Variants in NDC80 observed in about 807,000 individuals in gnomAD.
NDC80 encodes NDC80 kinetochore complex component.
In NDC80, 69 loss-of-function variants were observed where a neutral mutation model predicts 89.3. The observed-to-expected ratio is 0.77, with a 90% CI of 0.64 to 0.94. NDC80 has a LOEUF of 0.94. Among genes scored for constraint, NDC80 ranks in the 40% least tolerant of loss-of-function variants. The pLI, the probability that NDC80 is intolerant of heterozygous loss-of-function variation, is 0.00. For missense variants in NDC80, 593 were observed against 739.6 expected (o/e 0.80, Z 2.30); for synonymous variants, 243 against 255.6 (o/e 0.95, Z 0.47).
chr18:2,608,703 G>A lies in NDC80; in HGVS notation c.1561G>A (p.Ala521Thr). The A allele has an allele frequency of 6.2e-7, 1 of 1,611,228 alleles. No individual in the cohort carries two copies. Among genetic ancestry groups the A allele is most frequent in the Non-Finnish European group, 8.5e-7 (1 of 1,177,842 alleles). ...AACCGTGACTTTATCCTGATAGGAA[G>A]CAGAGGAAGAGGATGAAAAATGTGC... Reference protein sequence around the residue: ...DDLYQQKIKEAEEEDEKCASE... With the variant: ...DDLYQQKIKETEEEDEKCASE... Residue 521 changes from alanine (A) to threonine (T), a missense_variant, in exon 15 of 17, where the codon GCA (alanine) becomes ACA (threonine). Transcript: ENST00000261597.
Position 2,587,814 on chromosome 18 carries a change from C to A in NDC80, c.670-16C>A. The A allele has an allele frequency of 6.3e-7, 1 of 1,593,248 alleles. No homozygotes were observed. The highest frequency in any genetic ancestry group is 8.6e-7 in the Non-Finnish European group (1 of 1,162,336). On this transcript the variant is annotated splice_polypyrimidine_tract_variant and intron_variant, in intron 7 of 16. Coordinates refer to ENST00000261597, the MANE Select transcript of NDC80 (RefSeq NM_006101.3). ...AGAATCATAACTTTGTTTCTAAAAT[C>A]TGCTTAACCCCATAGTTGTTTTTGG...
chr18:2,588,048 T>G (rs2072610696), intron 8 of NDC80, 125 bp downstream of exon 8: 1 of 661,270 alleles, frequency 1.5e-6, no homozygotes, highest in Non-Finnish European at 2.5e-6. Context: ...GGATGCCTAC[T>G]GATTTTTATC....
rs768732373 is a variant in NDC80 at position 2,599,127 on chromosome 18, G to A, written c.1330G>A (p.Glu444Lys). Residue 444 changes from glutamate to lysine, a missense_variant, in exon 12 of 17, where the codon GAG becomes AAG. Physicochemically the swap from Glu to Lys is moderately conservative, Grantham distance 56 (BLOSUM62 1). Coordinates refer to ENST00000261597, the MANE Select transcript of NDC80 (RefSeq NM_006101.3). ...TGACTTTGAAATTAAGTTTAATCCC[G>A]AGGCTGGTGCCAACTGCCTTGTCAA... ...GYDFEIKFNPEAGANCLVKYR... is the reference protein window; with the variant it reads ...GYDFEIKFNPKAGANCLVKYR... 1.2e-5 allele frequency: 20 copies of A among 1,613,262 alleles called. No individual in the cohort carries two copies. The highest frequency in any genetic ancestry group is 6.7e-5 in the East Asian group (3 of 44,838).
chr18:2,613,185 G>A (rs933608277), intron 16 of NDC80, among the ~76,000 whole-genome samples: 6 of 152,144 alleles, frequency 3.9e-5, no homozygotes, highest in Admixed American at 6.6e-5. Context: ...AAGTTTTATT[G>A]GAGCACAGCC....
chr18:2,577,949 G>T lies in NDC80; in HGVS notation c.304-20G>T, dbSNP rs1334986978. On this transcript the variant is annotated intron_variant, in intron 4 of 16. Transcript: ENST00000261597. ...ATTTTCCATTACAAAACGTTTGGTG[G>T]TTCATAAAAATTATTGTAGTTTCTT... The T allele has an allele frequency of 3.1e-6, 5 of 1,609,756 alleles. No homozygotes were observed. The highest frequency in any genetic ancestry group is 4.2e-6 in the Non-Finnish European group (5 of 1,177,630).
chr18:2,596,250 G>A lies in NDC80; in HGVS notation c.1221+629G>A, dbSNP rs554734866. Among the ~76,000 whole-genome samples, 4 of 152,160 alleles carry A rather than the reference G, an allele frequency of 2.6e-5. No homozygotes were observed. The South Asian group carries it at 8.3e-4, about 32-fold the overall frequency. ...GTTAGCATGGCACAGCCTACAAAAT[G>A]GGAGAAAATTTTCGCAACCTACTCA... On this transcript the variant is annotated intron_variant, in intron 11 of 16. Coordinates refer to ENST00000261597, the MANE Select transcript of NDC80 (RefSeq NM_006101.3).
rs769068530 is a variant in NDC80 at position 2,573,064 on chromosome 18, C to G, written c.79C>G (p.Gln27Glu). 2 of 1,614,024 alleles carry G rather than the reference C, an allele frequency of 1.2e-6. No individual in the cohort carries two copies. Among genetic ancestry groups the G allele is most frequent in the Admixed American group, 1.7e-5 (1 of 60,012 alleles). Reference protein sequence around the residue: ...QELRSQDVNKQGLYTPQTKEK... With the variant: ...QELRSQDVNKEGLYTPQTKEK... Reference sequence around the variant, plus strand: ...GTTAAGATCCCAGGATGTAAATAAACAAGGCCTCTATACCCCTCAAACGTG... The same window carrying G: ...GTTAAGATCCCAGGATGTAAATAAAGAAGGCCTCTATACCCCTCAAACGTG... Residue 27 changes from glutamine (Q) to glutamate (E), a missense_variant, in exon 2 of 17, where the codon CAA becomes GAA. Transcript: ENST00000261597.
At chr18:2,600,177 A>G (rs2072677185) in intron 12 of NDC80, among the ~76,000 whole-genome samples, 1 of 152,262 alleles carries the variant, frequency 6.6e-6, no homozygotes, top group Non-Finnish European at 1.5e-5. Flanking sequence ...TACACAATGC[A>G]AAAAGAAGAA....
chr18:2,591,536 G>C (rs2072627552), intron 10 of NDC80, among the ~76,000 whole-genome samples: 1 of 151,370 alleles, frequency 6.6e-6, no homozygotes, highest in Non-Finnish European at 1.5e-5. Flanking sequence ...GTCAACTCAA[G>C]ACTAGTAATT....
chr18:2,606,763 C>T (rs1423915951), intron 14 of NDC80, among the ~76,000 whole-genome samples: 1 of 151,914 alleles, frequency 6.6e-6, no homozygotes, highest in Non-Finnish European at 1.5e-5. Flanking sequence ...GTATTTTATA[C>T]TTGCATATGA....
chr18:2,585,734 A>G (rs1163867834), intron 7 of NDC80, among the ~76,000 whole-genome samples: 9 of 152,196 alleles, frequency 5.9e-5, no homozygotes, highest in Admixed American at 5.9e-4. Context: ...AAAAATAACT[A>G]GGCACAAAAA....
chr18:2,607,087 A>G (rs1165311981), intron 14 of NDC80, among the ~76,000 whole-genome samples: 1 of 152,126 alleles, frequency 6.6e-6, no homozygotes, highest in African/African-American at 2.4e-5. Context: ...AATATTTTTT[A>G]CTTATGTCAA....
chr18:2,578,240 T>C (rs952659640), intron 5 of NDC80, 99 bp downstream of exon 5: 2 of 1,185,498 alleles, frequency 1.7e-6, no homozygotes, highest in African/African-American at 3.1e-5. Flanking sequence ...AAATAATATG[T>C]TTTAAGATGA....
chr18:2,605,322 GTGTGTGTA>G lies in NDC80; in HGVS notation c.1465-1089_1465-1082del, dbSNP rs1272431750. Among the ~76,000 whole-genome samples, 1,083 of 126,052 alleles carry G rather than the reference GTGTGTGTA, an allele frequency of 8.6e-3. 4 individuals are homozygous for G. The highest frequency in any genetic ancestry group is 0.023 in the African/African-American group (773 of 34,116). 82.7% of individuals were successfully genotyped at this position (126,052 alleles called of 152,430 possible). A position where few individuals can be genotyped will look rare whatever the true frequency, so the allele number is the denominator to read the frequency against. On this transcript the variant is annotated intron_variant, in intron 13 of 16. Transcript: ENST00000261597. Reference sequence around the variant, plus strand: ...TGTGTGTGTGTGTGTGTGTGTGTGTGTGTGTGTATGTACACAATGGAAATGTGTACTTT... The same window carrying G: ...TGTGTGTGTGTGTGTGTGTGTGTGTGTGTACACAATGGAAATGTGTACTTT...
intron 11 of NDC80, among the ~76,000 whole-genome samples, chr18:2,597,420 A>G (rs2072662570): frequency 6.6e-6 from 1 of 152,162 alleles, no homozygotes; most frequent in Non-Finnish European, 1.5e-5. Context: ...AGAAATTACT[A>G]TCATTCTCTA....
chr18:2,572,359 A>G (rs2072520011), intron 1 of NDC80, among the ~76,000 whole-genome samples: 1 of 152,144 alleles, frequency 6.6e-6, no homozygotes, highest in Non-Finnish European at 1.5e-5. Context: ...GAAGGGAGTG[A>G]CCTGTTAATG....
intron 10 of NDC80, among the ~76,000 whole-genome samples, chr18:2,593,353 TC>T (rs2072637782): frequency 6.6e-6 from 1 of 152,210 alleles, no homozygotes; most frequent in South Asian, 2.1e-4. Context: ...TAAATTATAT[TC>T]TTATGCAGGA....
At chr18:2,615,278 T>C (rs2072779302) in intron 16 of NDC80, 2 of 152,334 alleles carry the variant, frequency 1.3e-5, no homozygotes, top group South Asian at 2.1e-4. Context: ...CCTAATGGCT[T>C]AAAACAACAC....
chr18:2,605,932 G>A (rs544006136), intron 13 of NDC80, among the ~76,000 whole-genome samples: 1 of 152,186 alleles, frequency 6.6e-6, no homozygotes, highest in Admixed American at 6.5e-5. Flanking sequence ...AAGATTAAAT[G>A]TGGTTACCTT....
Sources: gnomAD v4.1 joint callset for allele counts (sites outside exome capture counted in the v4.1 genomes callset) on GRCh38, gnomAD v4.1.1 for gene constraint, MANE v1.5 for transcripts, NCBI Gene and HGNC (gene_info 2026-07-23, HGNC 2026-07-21) for gene names.